BCL6: variants seen among roughly 807,000 people sequenced by gnomAD.
BCL6 encodes the protein BCL6 transcription repressor.
BCL6 carries 7 observed loss-of-function variants against 59.5 expected under a neutral mutation model. That is an observed-to-expected ratio of 0.12 (90% CI 0.07 to 0.22). BCL6 has a LOEUF of 0.22. Among genes scored for constraint, BCL6 ranks in the 10% least tolerant of loss-of-function variants. The pLI, the probability that BCL6 is intolerant of heterozygous loss-of-function variation, is 1.00. For synonymous variants in BCL6, 339 were observed against 349.7 expected, an observed-to-expected ratio of 0.97 and a Z score of 0.34; for missense variants, 685 against 939.4, an observed-to-expected ratio of 0.73 and a Z score of 3.54.
intron 1 of BCL6, among the ~76,000 whole-genome samples, chr3:187,742,310 C>T (rs1374203954): frequency 2.0e-5 from 3 of 152,144 alleles, no homozygotes; most frequent in Admixed American, 2.0e-4. Context: ...GACATCTAGC[C>T]GTGGCTACCA....
chr3:187,727,540 C>T (rs1281218273), intron 6 of BCL6, among the ~76,000 whole-genome samples: 1 of 152,300 alleles, frequency 6.6e-6, no homozygotes, highest in East Asian at 1.9e-4. Context: ...GACTGGGAGA[C>T]CGAAGCTGAT....
rs73045365 is a variant in BCL6 at position 187,739,782 on chromosome 3, C to T, written c.-49-4875G>A. ...GCCGTCCTGGCTGGACTGGGCTCAG[C>T]CTTTGCAAAAAGGCTGGCGGGGGAG... On this transcript the variant is annotated intron_variant, in intron 1 of 9. Transcript: ENST00000406870. Among the ~76,000 whole-genome samples the T allele has an allele frequency of 8.3e-3, 1,259 of 152,242 alleles. 22 individuals carry two copies. The highest frequency in any genetic ancestry group is 0.028 in the African/African-American group (1,145 of 41,524).
At chr3:187,744,613 A>ATTTTTTCC (rs1711799390) in intron 1 of BCL6, among the ~76,000 whole-genome samples, 1 of 151,966 alleles carries the variant, frequency 6.6e-6, no homozygotes, top group Admixed American at 6.6e-5. Flanking sequence ...GTTCGCTTGC[A>ATTTTTTCC]TTTTTTCCTT....
At chr3:187,733,919 G>A in intron 2 of BCL6, 1 of 572,020 alleles carries the variant, frequency 1.7e-6, no homozygotes, top group East Asian at 3.0e-5. Context: ...GGGATAGAAA[G>A]CCCTTTAGGG....
chr3:187,740,097 G>A (rs553669503), intron 1 of BCL6, among the ~76,000 whole-genome samples: 1 of 152,304 alleles, frequency 6.6e-6, no homozygotes, highest in East Asian at 1.9e-4. Context: ...TGCAGAGCGC[G>A]CCTGCTGCCG....
At chr3:187,736,444 A>G (rs568002214) in intron 1 of BCL6, 4 of 152,266 alleles carry the variant, frequency 2.6e-5, no homozygotes, top group African/African-American at 9.6e-5. Context: ...GGGATCCTCA[A>G]ACACTTCTGG....
intron 1 of BCL6, among the ~76,000 whole-genome samples, chr3:187,744,810 G>A (rs1711823452): frequency 6.6e-6 from 1 of 152,048 alleles, no homozygotes; most frequent in African/African-American, 2.4e-5. Flanking sequence ...AGGAGCGACG[G>A]AGCAAGGAAA....
intron 1 of BCL6, among the ~76,000 whole-genome samples, chr3:187,744,933 C>T (rs1576885936): frequency 3.3e-5 from 5 of 152,270 alleles, no homozygotes; most frequent in East Asian, 1.9e-4. Context: ...CGCGTCCTCT[C>T]CGCGGTCTGG....
intron 1 of BCL6, among the ~76,000 whole-genome samples, chr3:187,744,965 G>C (rs1025883331): frequency 1.3e-5 from 2 of 152,200 alleles, no homozygotes; most frequent in East Asian, 1.9e-4. Flanking sequence ...CCCCAGACTA[G>C]CCCGAATCAC....
At position 187,726,772 on chromosome 3, in the gene BCL6, C is replaced by T; in HGVS notation, c.1667G>A (p.Arg556His). The change falls in exon 7 of 10, where the codon CGC (arginine) becomes CAC (histidine). Residue 556 changes from arginine to histidine, a missense_variant. Physicochemically the swap from Arg to His is conservative, Grantham distance 29. Coordinates refer to ENST00000406870, the MANE Select transcript of BCL6 (RefSeq NM_001706.5). The stretch of plus-strand genomic sequence containing the variant: ...GTGGCTGGCGAGGTTGCCCTTGTAG[C>T]GGAAGGAGGCCTGGCAGCGGTCACA... The part of the protein sequence containing the change: ...YKCDRCQASF[R>H]YKGNLASHKT... The T allele has an allele frequency of 1.9e-6, 3 of 1,614,104 alleles. No homozygotes were observed. Among genetic ancestry groups the T allele is most frequent in the East Asian group, 2.2e-5 (1 of 44,874 alleles).
intron 1 of BCL6, among the ~76,000 whole-genome samples, chr3:187,739,393 G>T (rs1380501079): frequency 2.0e-5 from 3 of 152,206 alleles, no homozygotes; most frequent in Admixed American, 1.3e-4. Context: ...AAATCGCGGA[G>T]CTGTTTTTAT....
At chr3:187,745,336 G>GCAGCGGCAC in intron 1 of BCL6, 74 bp downstream of exon 1, 1 of 401,480 alleles carries the variant, frequency 2.5e-6, no homozygotes, top group Non-Finnish European at 4.4e-6. Context: ...AGCGGCGGCG[G>GCAGCGGCAC]CAGCGGCACC....
At chr3:187,731,608 A>C in intron 4 of BCL6, 101 bp downstream of exon 4, 1 of 1,142,136 alleles carries the variant, frequency 8.8e-7, no homozygotes, top group South Asian at 1.4e-5. Flanking sequence ...GTTGCAGCAT[A>C]TCATAGAGGA....
At chr3:187,745,004 T>C (rs1711854987) in intron 1 of BCL6, among the ~76,000 whole-genome samples, 2 of 151,654 alleles carry the variant, frequency 1.3e-5, no homozygotes, top group Non-Finnish European at 1.5e-5. Flanking sequence ...TCCTCTCTGC[T>C]CCGGCCGCCC....
intron 1 of BCL6, among the ~76,000 whole-genome samples, chr3:187,744,104 T>C (rs1711748444): frequency 6.6e-6 from 1 of 152,212 alleles, no homozygotes; most frequent in Middle Eastern, 3.4e-3. Context: ...CAGTTCCCTT[T>C]TTACAGAGCT....
intron 1 of BCL6, among the ~76,000 whole-genome samples, chr3:187,739,461 G>A (rs1030858160): frequency 4.6e-5 from 7 of 152,152 alleles, no homozygotes; most frequent in Non-Finnish European, 1.0e-4. Flanking sequence ...TGCAGGAGAC[G>A]ACAGTAAATA....
At chr3:187,726,970 T>C in intron 6 of BCL6, 72 bp from the exon 7 acceptor site, 2 of 1,530,408 alleles carry the variant, frequency 1.3e-6, no homozygotes, top group South Asian at 2.4e-5. Context: ...GCCGCTCTCC[T>C]CTGTAGCTAC....
intron 1 of BCL6, chr3:187,737,093 GAC>G (rs1286896839): frequency 6.6e-6 from 1 of 152,218 alleles, no homozygotes. Flanking sequence ...ATGAGAAACT[GAC>G]AACTGCTGGC....
At chr3:187,726,121 C>T (rs1401814044) in intron 7 of BCL6, among the ~76,000 whole-genome samples, 1 of 152,176 alleles carries the variant, frequency 6.6e-6, no homozygotes, top group East Asian at 1.9e-4. Flanking sequence ...AATCAGGCTG[C>T]TCTAGTTTCT....
Sources: allele counts gnomAD v4.1 joint callset (sites outside exome capture counted in the v4.1 genomes callset), GRCh38; gene constraint gnomAD v4.1.1; transcripts MANE v1.5; gene names NCBI Gene and HGNC (gene_info 2026-07-23, HGNC 2026-07-21).